FANCC: variants seen among roughly 807,000 people sequenced by gnomAD.
FANCC encodes FA complementation group C.
FANCC carries 55 observed loss-of-function variants against 71.3 expected under a neutral mutation model. That is an observed-to-expected ratio of 0.77 (90% CI 0.62 to 0.97). The LOEUF is 0.97. FANCC is among the 50% of genes least tolerant of loss of function. The pLI, the probability that FANCC is intolerant of heterozygous loss-of-function variation, is 0.00. For synonymous variants in FANCC, 275 were observed against 244.9 expected, an observed-to-expected ratio of 1.12 and a Z score of -1.15; for missense variants, 678 against 670.9, an observed-to-expected ratio of 1.01 and a Z score of -0.12.
chr9:95,304,570 C>T (rs1360116646), intron 1 of FANCC, among the ~76,000 whole-genome samples: 1 of 134,440 alleles, frequency 7.4e-6, no homozygotes, highest in Non-Finnish European at 1.6e-5. Context: ...CATGGGGAAA[C>T]CCTGTCTCTA....
chr9:95,116,062 T>C (rs2072379855), intron 11 of FANCC, among the ~76,000 whole-genome samples: 1 of 152,248 alleles, frequency 6.6e-6, no homozygotes. Flanking sequence ...AAGCCACCTA[T>C]TTATATTTGG....
chr9:95,268,295 A>G (rs1014703816), intron 1 of FANCC, among the ~76,000 whole-genome samples: 2 of 152,196 alleles, frequency 1.3e-5, no homozygotes, highest in Non-Finnish European at 2.9e-5. Context: ...TGTGGACTTG[A>G]CTGGATTCCT....
At chr9:95,258,108 G>A (rs1273370413) in intron 1 of FANCC, among the ~76,000 whole-genome samples, 4 of 152,100 alleles carry the variant, frequency 2.6e-5, no homozygotes, top group African/African-American at 9.7e-5. Flanking sequence ...TTCTACCAGA[G>A]GTACAAAGAG....
intron 4 of FANCC, among the ~76,000 whole-genome samples, chr9:95,195,196 CAAAAAAAA>C (rs34771312): frequency 9.4e-5 from 4 of 42,622 alleles, no homozygotes; most frequent in East Asian, 8.0e-4. Context: ...GACTCCGTCT[CAAAAAAAA>C]AAAAAAAAAA....
intron 1 of FANCC, among the ~76,000 whole-genome samples, chr9:95,255,662 T>G (rs1831612898): frequency 6.6e-6 from 1 of 151,976 alleles, no homozygotes; most frequent in African/African-American, 2.4e-5. Flanking sequence ...TCACAACTCC[T>G]CTCCAGCAAG....
At chr9:95,249,028 TACC>T (rs1014865789) in intron 2 of FANCC, 96 bp downstream of exon 2, 23 of 1,308,256 alleles carry the variant, frequency 1.8e-5, no homozygotes, top group Non-Finnish European at 2.5e-5. Context: ...CTTCAGTCAA[TACC>T]ACAAGTCCCG....
chr9:95,228,134 A>G (rs1829741518), intron 4 of FANCC, among the ~76,000 whole-genome samples: 1 of 152,172 alleles, frequency 6.6e-6, no homozygotes, highest in East Asian at 1.9e-4. Flanking sequence ...ACCTGCTTGT[A>G]CACAGTAGGC....
At chr9:95,276,864 G>A (rs1043947720) in intron 1 of FANCC, among the ~76,000 whole-genome samples, 2 of 152,184 alleles carry the variant, frequency 1.3e-5, no homozygotes, top group African/African-American at 2.4e-5. Flanking sequence ...CACAGTACAT[G>A]AGGCTGCAGC....
At chr9:95,266,055 G>C (rs956648834) in intron 1 of FANCC, among the ~76,000 whole-genome samples, 1 of 152,296 alleles carries the variant, frequency 6.6e-6, no homozygotes, top group Non-Finnish European at 1.5e-5. Flanking sequence ...GTGAGCTAAA[G>C]ACATCAAAAT....
chr9:95,260,341 C>T (rs1161596417), intron 1 of FANCC, among the ~76,000 whole-genome samples: 21 of 152,160 alleles, frequency 1.4e-4, no homozygotes, highest in Non-Finnish European at 1.5e-5. Context: ...ACATATACAC[C>T]ATGGAATGCT....
chr9:95,233,837 T>C (rs4647446), intron 4 of FANCC, among the ~76,000 whole-genome samples: 60 of 152,260 alleles, frequency 3.9e-4, no homozygotes, highest in Non-Finnish European at 7.6e-4. Context: ...ATTTCACAAA[T>C]GTACTCACAC....
intron 6 of FANCC, among the ~76,000 whole-genome samples, chr9:95,162,424 C>G (rs539590554): frequency 6.6e-6 from 1 of 152,288 alleles, no homozygotes; most frequent in South Asian, 2.1e-4. Flanking sequence ...CATGGGTGTG[C>G]AAATATCTCT....
intron 4 of FANCC, among the ~76,000 whole-genome samples, chr9:95,233,842 T>C (rs1830144640): frequency 6.6e-6 from 1 of 152,196 alleles, no homozygotes; most frequent in African/African-American, 2.4e-5. Context: ...ACAAATGTAC[T>C]CACACTACGA....
chr9:95,125,846 G>A (rs960383493), intron 9 of FANCC, among the ~76,000 whole-genome samples: 1 of 152,202 alleles, frequency 6.6e-6, no homozygotes, highest in Non-Finnish European at 1.5e-5. Context: ...TCCCCTGGAA[G>A]AGGGGCTGGG....
chr9:95,101,780 C>G lies in FANCC; in HGVS notation c.1604G>C (p.Arg535Pro), dbSNP rs587779902. 1 of 1,614,142 alleles carries G rather than the reference C, an allele frequency of 6.2e-7. No homozygotes were observed. The highest frequency in any genetic ancestry group is 1.1e-5 in the South Asian group (1 of 91,086). ...FLDQTLYRWN[R>P]LGIESPRSEK... Reference sequence around the variant, plus strand: ...TGATCTAGGGCTTTCAATGCCAAGACGATTCCATCTGTACAAGGTCTGGTC... The same window carrying G: ...TGATCTAGGGCTTTCAATGCCAAGAGGATTCCATCTGTACAAGGTCTGGTC... The change falls in exon 15 of 15, where the codon CGT becomes CCT. Residue 535 changes from arginine to proline, a missense_variant. Arg to Pro is a moderately radical substitution (Grantham distance 103). Coordinates refer to ENST00000289081, the MANE Select transcript of FANCC (RefSeq NM_000136.3).
At chr9:95,164,455 T>G (rs1194731934) in intron 6 of FANCC, among the ~76,000 whole-genome samples, 3 of 152,194 alleles carry the variant, frequency 2.0e-5, no homozygotes, top group East Asian at 3.8e-4. Context: ...CCTTTACTAC[T>G]TTACTACATT....
At chr9:95,221,372 A>T (rs563691261) in intron 4 of FANCC, among the ~76,000 whole-genome samples, 5 of 152,344 alleles carry the variant, frequency 3.3e-5, no homozygotes, top group Non-Finnish European at 7.3e-5. Context: ...ATCTAAATGT[A>T]AAAAGTAACA....
At chr9:95,190,175 CCATGTCCTGTCTTCCCTCCTGTT>C (rs1472670891) in intron 4 of FANCC, among the ~76,000 whole-genome samples, 1 of 152,156 alleles carries the variant, frequency 6.6e-6, no homozygotes, top group African/African-American at 2.4e-5. Context: ...CGCACACCCC[CCATGTCCTGTCTTCCCTCCTGTT>C]CAGATGGAAG....
At chr9:95,236,401 C>T (rs1353584639) in intron 4 of FANCC, among the ~76,000 whole-genome samples, 1 of 152,166 alleles carries the variant, frequency 6.6e-6, no homozygotes, top group Admixed American at 6.5e-5. Flanking sequence ...TTTTTCAAGA[C>T]CACATATTCC....
Sources: allele counts gnomAD v4.1 joint callset (sites outside exome capture counted in the v4.1 genomes callset), GRCh38; gene constraint gnomAD v4.1.1; transcripts MANE v1.5; gene names NCBI Gene and HGNC (gene_info 2026-07-23, HGNC 2026-07-21).